Variants in RB1 observed in about 807,000 individuals in gnomAD.
RB1 encodes the protein retinoblastoma-associated protein.
Under a neutral mutation model 135.4 loss-of-function variants are expected in RB1, and 18 were observed. The ratio of observed to expected loss-of-function variants is 0.13; its 90% CI spans 0.09 to 0.20. The LOEUF (loss-of-function observed/expected upper bound fraction) is 0.20. RB1 is among the 10% of genes least tolerant of loss of function. The pLI is 1.00. For synonymous variants in RB1, 365 were observed against 373.2 expected, an observed-to-expected ratio of 0.98 and a Z score of 0.25; for missense variants, 868 against 1,110.0, an observed-to-expected ratio of 0.78 and a Z score of 3.10.
intron 11 of RB1, among the ~76,000 whole-genome samples, chr13:48,371,804 C>T (rs189209843): frequency 2.6e-5 from 4 of 152,140 alleles, no homozygotes; most frequent in Admixed American, 2.0e-4. Flanking sequence ...CCCCAATTCC[C>T]GGGCCAGAGA....
chr13:48,405,074 A>G (rs1305101937), intron 17 of RB1, among the ~76,000 whole-genome samples: 1 of 152,196 alleles, frequency 6.6e-6, no homozygotes, highest in Non-Finnish European at 1.5e-5. Flanking sequence ...AAAAAATGAA[A>G]AAAGAATCCA....
chr13:48,339,349 T>C (rs1952419583), intron 2 of RB1, among the ~76,000 whole-genome samples: 1 of 152,212 alleles, frequency 6.6e-6, no homozygotes, highest in African/African-American at 2.4e-5. Context: ...CCGCTTTGTT[T>C]ACCTACTCAA....
intron 2 of RB1, among the ~76,000 whole-genome samples, chr13:48,331,772 T>C (rs1439930577): frequency 6.6e-6 from 1 of 152,200 alleles, no homozygotes; most frequent in Non-Finnish European, 1.5e-5. Flanking sequence ...GAAGTCAGTA[T>C]GTTGAAGAGA....
intron 20 of RB1, among the ~76,000 whole-genome samples, chr13:48,461,152 C>T (rs1271707749): frequency 6.6e-6 from 1 of 152,088 alleles, no homozygotes; most frequent in Non-Finnish European, 1.5e-5. Flanking sequence ...TCCATACCCT[C>T]AAGCAGTCAC....
At chr13:48,364,148 C>T (rs75184024) in intron 8 of RB1, among the ~76,000 whole-genome samples, 3,616 of 151,814 alleles carry the variant, frequency 0.024, 155 homozygotes, top group African/African-American at 0.083. Flanking sequence ...TGCATGGGTC[C>T]GTTTATACAC....
chr13:48,420,708 T>C (rs1485410506), intron 17 of RB1, among the ~76,000 whole-genome samples: 7 of 152,178 alleles, frequency 4.6e-5, no homozygotes, highest in Admixed American at 4.6e-4. Flanking sequence ...ACAAAATTAA[T>C]GTGCAGAAAT....
chr13:48,357,128 G>T (rs767261003), intron 6 of RB1, among the ~76,000 whole-genome samples: 8 of 151,088 alleles, frequency 5.3e-5, no homozygotes, highest in Non-Finnish European at 8.9e-5. Flanking sequence ...TAAACTGAAG[G>T]TTCTGCTGTT....
chr13:48,423,959 T>A (rs1043603319), intron 17 of RB1: 8 of 152,750 alleles, frequency 5.2e-5, no homozygotes, highest in Non-Finnish European at 1.0e-4. Context: ...GACATTGATA[T>A]TTTAAAATTT....
intron 17 of RB1, among the ~76,000 whole-genome samples, chr13:48,431,329 T>C (rs190141416): frequency 1.5e-3 from 235 of 152,308 alleles, no homozygotes; most frequent in African/African-American, 5.5e-3. Flanking sequence ...CTTTTTATTA[T>C]AGATGATTGA....
In RB1 at chr13:48,333,818, G is replaced by A. The variant is rs148173175; in HGVS notation, c.265-8781G>A. Among the ~76,000 whole-genome samples the A allele has an allele frequency of 2.6e-3, 397 of 150,772 alleles. 3 individuals are homozygous for A. Among genetic ancestry groups the A allele is most frequent in the African/African-American group, 9.4e-3 (385 of 41,038 alleles). ...TTTTCCTTTTTAGAACTACGCTAGT[G>A]TTAGTGCTGGACACTACAAGGCTCT... On this transcript the variant is annotated intron_variant, in intron 2 of 26. Coordinates refer to ENST00000267163, the MANE Select transcript of RB1 (RefSeq NM_000321.3).
intron 2 of RB1, chr13:48,317,315 C>T (rs937425933): frequency 1.5e-4 from 58 of 395,826 alleles, no homozygotes; most frequent in Non-Finnish European, 1.9e-4. Context: ...GCGGGGCCCT[C>T]GGACCCCTTG....
intron 17 of RB1, 34 bp downstream of exon 17, chr13:48,381,477 T>C (rs139412936): frequency 6.3e-7 from 1 of 1,592,782 alleles, no homozygotes; most frequent in South Asian, 1.1e-5. Context: ...AATTCATTCA[T>C]GTGCATATGG....
rs747518543 is a variant in RB1 at position 48,476,851 on chromosome 13, C to G, written c.2663+8C>G. ...AGATGAAGCAGATGGAAGGTAGGAA[C>G]CAGTTTTGAATGTTTTCCAGTAGCC... On this transcript the variant is annotated splice_region_variant and intron_variant, in intron 25 of 26. Coordinates refer to ENST00000267163, the MANE Select transcript of RB1 (RefSeq NM_000321.3). 18 of 1,613,198 alleles carry G rather than the reference C, an allele frequency of 1.1e-5. No homozygotes were observed. Among genetic ancestry groups the G allele is most frequent in the Non-Finnish European group, 6.8e-6 (8 of 1,179,382 alleles).
At chr13:48,411,886 AT>A (rs1337665065) in intron 17 of RB1, 2 of 1,612,810 alleles carry the variant, frequency 1.2e-6, no homozygotes, top group Admixed American at 3.3e-5. Flanking sequence ...CTTGAGAGAT[AT>A]GTTTTCCATG....
chr13:48,426,987 A>T (rs1278919818), intron 17 of RB1: 1 of 152,726 alleles, frequency 6.5e-6, no homozygotes, highest in Non-Finnish European at 1.5e-5. Context: ...AATAGGAGCA[A>T]GAGGAAGGAG....
intron 19 of RB1, among the ~76,000 whole-genome samples, chr13:48,456,551 CT>C (rs1181951847): frequency 6.6e-6 from 1 of 152,182 alleles, no homozygotes; most frequent in African/African-American, 2.4e-5. Context: ...GGCCGGAAAC[CT>C]CTGTGACCGG....
chr13:48,309,080 C>T (rs1394316983), intron 2 of RB1, among the ~76,000 whole-genome samples: 3 of 151,934 alleles, frequency 2.0e-5, no homozygotes, highest in African/African-American at 4.8e-5. Flanking sequence ...CATTTGTATT[C>T]GTAAGAATAA....
chr13:48,414,631 T>G (rs904117127), intron 17 of RB1, among the ~76,000 whole-genome samples: 1 of 151,418 alleles, frequency 6.6e-6, no homozygotes, highest in Non-Finnish European at 1.5e-5. Context: ...TTCTCATAAA[T>G]TACTTAGCTA....
chr13:48,383,095 A>T (rs1948549272), intron 17 of RB1, among the ~76,000 whole-genome samples: 1 of 152,198 alleles, frequency 6.6e-6, no homozygotes, highest in African/African-American at 2.4e-5. Flanking sequence ...TACAGTTGTT[A>T]TATATTTGAA....
Sources: gnomAD v4.1 joint callset for allele counts (sites outside exome capture counted in the v4.1 genomes callset) on GRCh38, gnomAD v4.1.1 for gene constraint, MANE v1.5 for transcripts, NCBI Gene and HGNC (gene_info 2026-07-23, HGNC 2026-07-21) for gene names.